LASP1: variants seen among roughly 807,000 people sequenced by gnomAD.
LASP1 encodes the protein LIM and SH3 protein 1.
Under a neutral mutation model 38.6 loss-of-function variants are expected in LASP1, and 10 were observed. The observed-to-expected ratio is 0.26, with a 90% CI of 0.16 to 0.44. The LOEUF (loss-of-function observed/expected upper bound fraction) is 0.44. Ranked by LOEUF, LASP1 falls within the 20% of genes least tolerant of loss-of-function variation. The pLI, the probability that LASP1 is intolerant of heterozygous loss-of-function variation, is 1.00. For synonymous variants in LASP1, 132 were observed against 140.8 expected, an observed-to-expected ratio of 0.94 and a Z score of 0.44; for missense variants, 243 against 375.7, an observed-to-expected ratio of 0.65 and a Z score of 2.92.
chr17:38,872,380 C>T (rs966025091), intron 1 of LASP1, among the ~76,000 whole-genome samples: 3 of 152,164 alleles, frequency 2.0e-5, no homozygotes, highest in South Asian at 4.1e-4. Flanking sequence ...AGTTCTCTTA[C>T]CCTAGCTGGA....
chr17:38,900,601 A>G (rs903989904), intron 4 of LASP1, among the ~76,000 whole-genome samples: 1 of 152,096 alleles, frequency 6.6e-6, no homozygotes, highest in Non-Finnish European at 1.5e-5. Context: ...TGAACTCGGG[A>G]GGCAGAGGTT....
At chr17:38,900,527 G>C (rs1219676159) in intron 4 of LASP1, among the ~76,000 whole-genome samples, 1 of 152,064 alleles carries the variant, frequency 6.6e-6, no homozygotes, top group East Asian at 1.9e-4. Context: ...ACAAAAATTA[G>C]CTGGGCGTGG....
intron 2 of LASP1, among the ~76,000 whole-genome samples, chr17:38,883,649 A>C (rs547871107): frequency 6.6e-6 from 1 of 151,482 alleles, no homozygotes; most frequent in African/African-American, 2.4e-5. Context: ...CCTAACACCT[A>C]CGTTTTACAG....
intron 4 of LASP1, among the ~76,000 whole-genome samples, chr17:38,908,860 G>A (rs1295311193): frequency 6.6e-6 from 1 of 152,260 alleles, no homozygotes; most frequent in Non-Finnish European, 1.5e-5. Flanking sequence ...TGCACAGCCA[G>A]TGCCAAGGGG....
At chr17:38,899,101 G>A (rs1196431158) in intron 4 of LASP1, 3 of 307,026 alleles carry the variant, frequency 9.8e-6, no homozygotes, top group Non-Finnish European at 2.0e-5. Context: ...GGGATCAACT[G>A]TCCCCAGCAT....
chr17:38,898,189 T>C (rs904365483), intron 3 of LASP1, among the ~76,000 whole-genome samples: 5 of 152,200 alleles, frequency 3.3e-5, no homozygotes, highest in Admixed American at 2.0e-4. Flanking sequence ...CTGGACTCTG[T>C]GCCTGCCATT....
chr17:38,870,296 C>G, intron 1 of LASP1, 38 bp downstream of exon 1: 3 of 1,603,360 alleles, frequency 1.9e-6, no homozygotes, highest in Non-Finnish European at 2.6e-6. Flanking sequence ...TTGCAATCCC[C>G]CGCAGTGCTC....
chr17:38,893,846 C>T (rs1471061387), intron 3 of LASP1, among the ~76,000 whole-genome samples: 1 of 152,226 alleles, frequency 6.6e-6, no homozygotes, highest in African/African-American at 2.4e-5. Context: ...CTGCCTGCGG[C>T]TAGCAGGAAG....
At chr17:38,892,970 T>C (rs1350293048) in intron 3 of LASP1, among the ~76,000 whole-genome samples, 3 of 151,534 alleles carry the variant, frequency 2.0e-5, no homozygotes, top group Non-Finnish European at 4.4e-5. Flanking sequence ...TGTGTGTGTG[T>C]GTGCGTGTGC....
chr17:38,909,262 A>C (rs226227), intron 4 of LASP1, among the ~76,000 whole-genome samples: 1 of 151,886 alleles, frequency 6.6e-6, no homozygotes, highest in Non-Finnish European at 1.5e-5. Context: ...CAAACCCTGA[A>C]CCCTCACACC....
At position 38,918,638 on chromosome 17, in the gene LASP1, G is replaced by T; in HGVS notation, c.646G>T (p.Ala216Ser). The part of the protein sequence containing the change: ...RYRAVYDYSA[A>S]DEDEVSFQDG... ...CCGCGCGGTGTATGACTACAGCGCC[G>T]CCGACGAGGACGAGGTCTCCTTCCA... is the stretch of plus-strand genomic sequence containing the variant. The change falls in exon 7 of 7, where the codon GCC becomes TCC. Residue 216 changes from alanine (A) to serine (S), a missense_variant. This residue lies in a region of LASP1 where 165 missense variants were observed against 210.3 expected (regional missense o/e 0.78). Coordinates refer to ENST00000318008, the MANE Select transcript of LASP1 (RefSeq NM_006148.4). This position sits in a 1 kb window ranked among gnomAD's most constrained non-coding sequence, Gnocchi z 4.4. The T allele has an allele frequency of 6.2e-7, 1 of 1,610,828 alleles. No individual in the cohort carries two copies. The highest frequency in any genetic ancestry group is 8.5e-7 in the Non-Finnish European group (1 of 1,177,572).
intron 2 of LASP1, among the ~76,000 whole-genome samples, chr17:38,887,210 TC>T (rs1391267709): frequency 6.6e-6 from 1 of 152,094 alleles, no homozygotes; most frequent in Non-Finnish European, 1.5e-5. Flanking sequence ...GGAGGTCTCC[TC>T]TCCCCCACCC....
rs779191061 is a variant in LASP1 at position 38,914,381 on chromosome 17, C to T, written c.414C>T (p.Gly138=). 2.1e-5 allele frequency: 34 copies of T among 1,612,102 alleles called. No homozygotes were observed. In the Middle Eastern group the frequency reaches 6.4e-4, roughly 30 times the overall value. The change falls in exon 5 of 7, where the codon GGC becomes GGT. Residue 138 remains glycine, a synonymous_variant. Transcript: ENST00000318008. ...GCATGGGCCCTAGCGGGGGCGAGGG[C>T]ATGGAGCCAGAGCGTCGGGATTCAC... The part of the protein sequence containing the change: ...KSRMGPSGGE[G]MEPERRDSQD...
intron 5 of LASP1, among the ~76,000 whole-genome samples, chr17:38,914,723 C>G (rs576924456): frequency 1.3e-5 from 2 of 151,864 alleles, no homozygotes; most frequent in African/African-American, 4.8e-5. Flanking sequence ...CATGCACGCA[C>G]GCATGCAGGC....
chr17:38,890,131 A>G (rs1268876061), intron 2 of LASP1: 4 of 375,492 alleles, frequency 1.1e-5, no homozygotes, highest in Non-Finnish European at 2.0e-5. Context: ...GTAACCTTCA[A>G]CCCTCAGAGA....
intron 6 of LASP1, chr17:38,915,685 C>G (rs937380790): frequency 6.6e-6 from 1 of 152,400 alleles, no homozygotes; most frequent in African/African-American, 2.4e-5. Flanking sequence ...TGGCAGCGTC[C>G]GTCTGGTTCA....
At chr17:38,873,223 C>T (rs943868157) in intron 1 of LASP1, among the ~76,000 whole-genome samples, 5 of 152,094 alleles carry the variant, frequency 3.3e-5, no homozygotes, top group Admixed American at 2.0e-4. Context: ...CTTGTCTCAG[C>T]GCTCCCTCCC....
chr17:38,897,874 C>T (rs1179181990), intron 3 of LASP1, among the ~76,000 whole-genome samples: 1 of 152,220 alleles, frequency 6.6e-6, no homozygotes, highest in Non-Finnish European at 1.5e-5. Context: ...TGCTGAAAAG[C>T]TCCCCCAGGC....
At chr17:38,911,699 G>A (rs1176430409) in intron 4 of LASP1, among the ~76,000 whole-genome samples, 1 of 152,200 alleles carries the variant, frequency 6.6e-6, no homozygotes, top group African/African-American at 2.4e-5. Flanking sequence ...TCTGGCCAGG[G>A]CTGGCTCCCT....
Sources: gnomAD v4.1 joint callset for allele counts (sites outside exome capture counted in the v4.1 genomes callset) on GRCh38, gnomAD v4.1.1 for gene constraint, gnomAD v4.1.1 regional missense constraint, Gnocchi (gnomAD v3.1) non-coding constraint, MANE v1.5 for transcripts, NCBI Gene and HGNC (gene_info 2026-07-23, HGNC 2026-07-21) for gene names.